NRCAM: variants seen among roughly 807,000 people sequenced by gnomAD.
NRCAM encodes neuronal cell adhesion molecule, also known as NgCAM-related cell adhesion molecule.
In NRCAM, 83 loss-of-function variants were observed where a neutral mutation model predicts 156.5. The observed-to-expected ratio is 0.53, with a 90% CI of 0.44 to 0.64. NRCAM has a LOEUF of 0.64. Among genes scored for constraint, NRCAM ranks in the 30% least tolerant of loss-of-function variants. The probability of loss-of-function intolerance (pLI) is 0.00; values close to 1 mark genes in which losing one functional copy is unlikely to be tolerated. For synonymous variants in NRCAM, 538 were observed against 563.9 expected, an observed-to-expected ratio of 0.95 and a Z score of 0.65; for missense variants, 1,417 against 1,597.3, an observed-to-expected ratio of 0.89 and a Z score of 1.92.
intron 32 of NRCAM, among the ~76,000 whole-genome samples, chr7:108,154,053 T>A (rs1350121538): frequency 2.6e-5 from 4 of 152,152 alleles, no homozygotes; most frequent in African/African-American, 9.6e-5. Flanking sequence ...TTTATGTGGA[T>A]CTTGGCAGGC....
At chr7:108,447,179 C>T (rs555645528) in intron 1 of NRCAM, among the ~76,000 whole-genome samples, 2 of 150,862 alleles carry the variant, frequency 1.3e-5, no homozygotes, top group East Asian at 3.9e-4. Context: ...GCTCACTCAT[C>T]ATATAATCCT....
At chr7:108,407,924 G>A (rs1421836613) in intron 1 of NRCAM, among the ~76,000 whole-genome samples, 2 of 152,178 alleles carry the variant, frequency 1.3e-5, no homozygotes, top group African/African-American at 4.8e-5. Context: ...TTGAGATTCC[G>A]ATTTAATTGG....
At chr7:108,257,026 G>A (rs1322794215) in intron 3 of NRCAM, among the ~76,000 whole-genome samples, 48 of 68,684 alleles carry the variant, frequency 7.0e-4, no homozygotes, top group South Asian at 2.0e-3. Flanking sequence ...AAAAGAAAAA[G>A]AAAAAGAAAA....
chr7:108,150,782 G>C, intron 32 of NRCAM: 1 of 503,322 alleles, frequency 2.0e-6, no homozygotes. Context: ...TCCTTATACT[G>C]ATAGTACACA....
chr7:108,182,054 T>G, intron 23 of NRCAM, 117 bp from the exon 24 acceptor site: 1 of 673,360 alleles, frequency 1.5e-6, no homozygotes, highest in Non-Finnish European at 2.5e-6. Flanking sequence ...TTCTATGGAT[T>G]ATTAAGGCTT....
chr7:108,401,812 C>T (rs192940544), intron 1 of NRCAM, among the ~76,000 whole-genome samples: 68 of 152,322 alleles, frequency 4.5e-4, no homozygotes, highest in South Asian at 1.9e-3. Context: ...CCCTTGCAGG[C>T]TGGAGGCAAG....
At chr7:108,191,928 A>G (rs2153447383) in intron 17 of NRCAM, 75 bp from the exon 18 acceptor site, 4 of 1,498,592 alleles carry the variant, frequency 2.7e-6, no homozygotes, top group Non-Finnish European at 3.6e-6. Flanking sequence ...CTGGCAGGAA[A>G]AAAACTGTAA....
intron 2 of NRCAM, among the ~76,000 whole-genome samples, chr7:108,359,937 G>A (rs573934196): frequency 6.6e-6 from 1 of 152,260 alleles, no homozygotes; most frequent in East Asian, 1.9e-4. Flanking sequence ...GTCTGTTCTT[G>A]AACTTCATAA....
intron 2 of NRCAM, among the ~76,000 whole-genome samples, chr7:108,370,432 TA>T (rs1249028672): frequency 1.3e-5 from 2 of 152,112 alleles, no homozygotes; most frequent in Non-Finnish European, 2.9e-5. Flanking sequence ...GGTCTCACTG[TA>T]AAAAGGTCAT....
intron 2 of NRCAM, among the ~76,000 whole-genome samples, chr7:108,346,935 TA>T (rs1268506790): frequency 6.6e-6 from 1 of 151,422 alleles, no homozygotes; most frequent in African/African-American, 2.4e-5. Context: ...GGTTAAACAA[TA>T]AACATTAAAA....
intron 2 of NRCAM, among the ~76,000 whole-genome samples, chr7:108,368,068 G>A (rs17420011): frequency 0.094 from 14,352 of 152,082 alleles, 827 homozygotes; most frequent in Middle Eastern, 0.18. Flanking sequence ...TTTGAGCTCT[G>A]AGGTTGACTC....
rs1049340530 is a variant in NRCAM at position 108,191,238 on chromosome 7, A to G, written c.1933+16T>C. Reference sequence around the variant, plus strand: ...GTTTGACAGAAAACAGAGAAAGAAGACTCATATTAGTTTACCGTAAACGGG... The same window carrying G: ...GTTTGACAGAAAACAGAGAAAGAAGGCTCATATTAGTTTACCGTAAACGGG... On this transcript the variant is annotated intron_variant, in intron 19 of 32. Transcript: ENST00000379028. 2.5e-6 allele frequency: 4 copies of G among 1,595,138 alleles called. No homozygotes were observed. Among genetic ancestry groups the G allele is most frequent in the Non-Finnish European group, 3.4e-6 (4 of 1,167,840 alleles).
chr7:108,372,062 C>G (rs1374772420), intron 2 of NRCAM, among the ~76,000 whole-genome samples: 1 of 151,974 alleles, frequency 6.6e-6, no homozygotes, highest in African/African-American at 2.4e-5. Context: ...GAAATAAATC[C>G]ACACATATAC....
At chr7:108,233,009 A>G (rs1481825263) in intron 6 of NRCAM, among the ~76,000 whole-genome samples, 1 of 152,152 alleles carries the variant, frequency 6.6e-6, no homozygotes, top group Non-Finnish European at 1.5e-5. Flanking sequence ...GTAGGTTGGG[A>G]GGAGGTTAAG....
Position 108,194,006 on chromosome 7 carries a change from G to T in NRCAM, c.1778+18C>A. ...AAAGAAAGAATGAAGAGAAAGTAAAGAAATCGTCTTCAAATACCTTTCATC... is the reference window on the plus strand; with the variant it reads ...AAAGAAAGAATGAAGAGAAAGTAAATAAATCGTCTTCAAATACCTTTCATC... On this transcript the variant is annotated intron_variant, in intron 17 of 32. Coordinates refer to ENST00000379028, the MANE Select transcript of NRCAM (RefSeq NM_001037132.4). The T allele has an allele frequency of 6.2e-7, 1 of 1,609,728 alleles. No individual in the cohort carries two copies. The highest frequency in any genetic ancestry group is 8.5e-7 in the Non-Finnish European group (1 of 1,177,200).
intron 3 of NRCAM, among the ~76,000 whole-genome samples, chr7:108,272,890 C>T (rs2097421776): frequency 6.6e-6 from 1 of 152,036 alleles, no homozygotes; most frequent in Non-Finnish European, 1.5e-5. Context: ...AACGCTATCC[C>T]TCCCCCAGCC....
At chr7:108,194,819 G>C (rs1295879935) in intron 15 of NRCAM, among the ~76,000 whole-genome samples, 1 of 152,234 alleles carries the variant, frequency 6.6e-6, no homozygotes, top group Non-Finnish European at 1.5e-5. Flanking sequence ...GATCAGTAAA[G>C]AATGTTCCAG....
intron 2 of NRCAM, among the ~76,000 whole-genome samples, chr7:108,390,705 CATTTAGTGCTATAA>C (rs1439383511): frequency 1.3e-5 from 2 of 152,164 alleles, no homozygotes. Context: ...CCCTTGTGGG[CATTTAGTGCTATAA>C]ATTTCCCTCT....
intron 2 of NRCAM, among the ~76,000 whole-genome samples, chr7:108,378,477 T>C (rs916741192): frequency 1.3e-5 from 2 of 151,740 alleles, no homozygotes; most frequent in African/African-American, 4.8e-5. Context: ...AGGATACAAA[T>C]AAAGGACTAA....
Sources: gnomAD v4.1 joint callset for allele counts (sites outside exome capture counted in the v4.1 genomes callset) on GRCh38, gnomAD v4.1.1 for gene constraint, MANE v1.5 for transcripts, NCBI Gene and HGNC (gene_info 2026-07-23, HGNC 2026-07-21) for gene names.